The following RICTOR variants were observed in gnomAD, a reference collection of about 807,000 sequenced individuals.
RICTOR encodes the protein RPTOR independent companion of MTOR complex 2, also known as rapamycin-insensitive companion of mTOR.
A neutral mutation model predicts 214.9 loss-of-function variants in RICTOR; 49 were observed. The observed-to-expected ratio is 0.23, with a 90% confidence interval of 0.18 to 0.29. RICTOR has a LOEUF of 0.29. Among genes scored for constraint, RICTOR ranks in the 10% least tolerant of loss-of-function variants. The pLI is 1.00. For missense variants in RICTOR, 1,625 were observed against 2,047.0 expected (o/e 0.79, Z 3.98); for synonymous variants, 717 against 711.3 (o/e 1.01, Z -0.13).
intron 2 of RICTOR, among the ~76,000 whole-genome samples, chr5:39,073,641 C>CA (rs1759488598): frequency 6.6e-6 from 1 of 152,204 alleles, no homozygotes. Flanking sequence ...AGCAGTCACG[C>CA]AGTCGGCAAG....
rs1157037606 is a variant in RICTOR at position 38,975,613 on chromosome 5, G to A, written c.822-9C>T. 3.7e-6 allele frequency: 6 copies of A among 1,611,564 alleles called. No homozygotes were observed. The highest frequency in any genetic ancestry group is 5.1e-6 in the Non-Finnish European group (6 of 1,177,880). ...GTGCTTCTCTGTCTTCTCTGTTGGG[G>A]GTGGGGAGGCAGCGGGGAGAATCAA... On this transcript the variant is annotated splice_polypyrimidine_tract_variant and intron_variant, in intron 9 of 37. Coordinates refer to ENST00000357387, the MANE Select transcript of RICTOR (RefSeq NM_152756.5).
At chr5:38,978,218 A>G (rs1751401409) in intron 9 of RICTOR, among the ~76,000 whole-genome samples, 1 of 152,176 alleles carries the variant, frequency 6.6e-6, no homozygotes, top group Non-Finnish European at 1.5e-5. Context: ...AATTCTACAT[A>G]TTACATCATT....
chr5:39,004,408 T>C (rs1424559004), intron 3 of RICTOR, among the ~76,000 whole-genome samples: 2 of 152,204 alleles, frequency 1.3e-5, no homozygotes, highest in Admixed American at 1.3e-4. Flanking sequence ...TTGTGAAGTC[T>C]GCCATCAGTC....
chr5:38,959,413 T>C (rs1749593656), intron 21 of RICTOR, 92 bp from the exon 22 acceptor site: 2 of 731,682 alleles, frequency 2.7e-6, no homozygotes, highest in South Asian at 4.6e-5. Flanking sequence ...TACTGAAGTA[T>C]AAATGACAAA....
At chr5:39,012,290 T>C (rs1754587930) in intron 3 of RICTOR, among the ~76,000 whole-genome samples, 5 of 152,306 alleles carry the variant, frequency 3.3e-5, no homozygotes, top group Middle Eastern at 3.4e-3. Context: ...AACACTCATT[T>C]ATCTCTCCTG....
chr5:38,990,025 T>C (rs1752467372), intron 7 of RICTOR, among the ~76,000 whole-genome samples: 3 of 152,006 alleles, frequency 2.0e-5, no homozygotes, highest in Admixed American at 6.6e-5. Context: ...CATTGTACTA[T>C]AGAGGCACAT....
rs149035738 is a variant in RICTOR, at chr5:39,016,577, A to G, written c.195+4462T>C. On this transcript the variant is annotated intron_variant, in intron 3 of 37. Transcript: ENST00000357387. Reference sequence around the variant, plus strand: ...AAGGAAACTGAAGAGAGAAGAAGAAAGAAAAAAAGGGAAACTAATCCTAAT... The same window carrying G: ...AAGGAAACTGAAGAGAGAAGAAGAAGGAAAAAAAGGGAAACTAATCCTAAT... 4.7e-3 allele frequency among the ~76,000 whole-genome samples: 722 copies of G among 152,266 alleles called. 11 individuals carry two copies. The highest frequency in any genetic ancestry group is 0.017 in the African/African-American group (696 of 41,564).
intron 3 of RICTOR, among the ~76,000 whole-genome samples, chr5:39,010,245 G>T (rs1754400034): frequency 6.6e-6 from 1 of 152,144 alleles, no homozygotes; most frequent in African/African-American, 2.4e-5. Flanking sequence ...CCCTCCTGCT[G>T]CCATGTGAAG....
chr5:39,010,316 T>C (rs967423252), intron 3 of RICTOR, among the ~76,000 whole-genome samples: 2 of 152,200 alleles, frequency 1.3e-5, no homozygotes, highest in African/African-American at 2.4e-5. Context: ...TCCCCAGCCA[T>C]GCAGAACTGT....
intron 2 of RICTOR, among the ~76,000 whole-genome samples, chr5:39,073,780 C>T (rs1396863811): frequency 1.3e-5 from 2 of 152,168 alleles, no homozygotes; most frequent in South Asian, 2.1e-4. Context: ...CTTGGGCTGC[C>T]GGACTCCGGG....
At chr5:39,025,428 C>A (rs1480227882) in intron 2 of RICTOR, among the ~76,000 whole-genome samples, 1 of 152,186 alleles carries the variant, frequency 6.6e-6, no homozygotes, top group Admixed American at 6.5e-5. Context: ...ACTTTGCAGG[C>A]CATAAGTCTC....
At chr5:39,003,685 T>C in intron 3 of RICTOR, 63 bp from the exon 4 acceptor site, 1 of 943,510 alleles carries the variant, frequency 1.1e-6, no homozygotes, top group Non-Finnish European at 1.7e-6. Flanking sequence ...TTTATATACA[T>C]TATATATTTA....
At position 38,938,736 on chromosome 5, in the gene RICTOR, A is replaced by G. The variant is rs551311054; in HGVS notation, c.*3568T>C. On this transcript the variant is annotated 3_prime_UTR_variant, in exon 38 of 38. Coordinates refer to ENST00000357387, the MANE Select transcript of RICTOR (RefSeq NM_152756.5). ...TGTTCTTTGATAAGCACTGCTATTA[A>G]TTTCACTGGTATGCTTTTAAATGAG... is the stretch of plus-strand genomic sequence containing the variant. 2.1e-5 allele frequency: 5 copies of G among 232,830 alleles called. No individual in the cohort carries two copies. The South Asian group carries it at 9.1e-4, about 42-fold the overall frequency. The allele number at this position is 232,830 out of a possible 1,614,324, so 14.4% of individuals were successfully genotyped here.
intron 7 of RICTOR, among the ~76,000 whole-genome samples, chr5:38,982,731 C>T (rs1238168707): frequency 1.3e-5 from 2 of 151,634 alleles, no homozygotes; most frequent in Admixed American, 6.6e-5. Context: ...TTTTTCTCTC[C>T]CTTAACAACC....
intron 2 of RICTOR, among the ~76,000 whole-genome samples, chr5:39,060,080 G>A (rs551814125): frequency 1.3e-5 from 2 of 152,032 alleles, no homozygotes; most frequent in South Asian, 4.1e-4. Context: ...GTCCATATTA[G>A]TTATATTTTG....
intron 3 of RICTOR, among the ~76,000 whole-genome samples, chr5:39,013,068 C>T (rs1308068376): frequency 1.3e-5 from 2 of 152,120 alleles, no homozygotes; most frequent in Non-Finnish European, 2.9e-5. Flanking sequence ...AGTGTCTCAA[C>T]CCCTGGGTTG....
chr5:39,029,290 A>C lies in RICTOR; in HGVS notation c.98-8154T>G, dbSNP rs557755972. Among the ~76,000 whole-genome samples, 21 of 152,308 alleles carry C rather than the reference A, an allele frequency of 1.4e-4. No individual in the cohort carries two copies. The South Asian group carries it at 4.3e-3, about 32-fold the overall frequency. On this transcript the variant is annotated intron_variant, in intron 2 of 37. Transcript: ENST00000357387. Reference sequence around the variant, plus strand: ...AAACACTTTACATATTTAAACACACACATATACAAAGATACATAATACATA... The same window carrying C: ...AAACACTTTACATATTTAAACACACCCATATACAAAGATACATAATACATA...
chr5:38,978,542 A>T (rs1206015014), intron 9 of RICTOR, 41 bp downstream of exon 9: 3 of 1,002,296 alleles, frequency 3.0e-6, no homozygotes, highest in African/African-American at 1.6e-5. Context: ...GTATTAACAT[A>T]TACATTATCT....
intron 14 of RICTOR, 65 bp downstream of exon 14, chr5:38,967,096 T>C (rs775086344): frequency 4.8e-6 from 6 of 1,260,908 alleles, no homozygotes; most frequent in Non-Finnish European, 7.0e-6. Flanking sequence ...TCACCACACC[T>C]GGCATGAAAG....
Sources: allele counts gnomAD v4.1 joint callset (sites outside exome capture counted in the v4.1 genomes callset), GRCh38; gene constraint gnomAD v4.1.1; transcripts MANE v1.5; gene names NCBI Gene and HGNC (gene_info 2026-07-23, HGNC 2026-07-21).